The following AKNA variants were observed in gnomAD, a reference collection of about 807,000 sequenced individuals.
AKNA encodes microtubule organization protein AKNA.
In AKNA, 67 loss-of-function variants were observed where a neutral mutation model predicts 138.8. The ratio of observed to expected loss-of-function variants is 0.48; its 90% CI spans 0.40 to 0.59. The LOEUF (loss-of-function observed/expected upper bound fraction) is 0.59, where lower values mean the gene tolerates loss of function less well. Among genes scored for constraint, AKNA ranks in the 20% least tolerant of loss-of-function variants. AKNA has a pLI of 0.00. For missense variants in AKNA, 1,813 were observed against 1,880.4 expected (o/e 0.96, Z 0.66); for synonymous variants, 737 against 754.4 (o/e 0.98, Z 0.38).
intron 21 of AKNA, among the ~76,000 whole-genome samples, chr9:114,338,825 C>T (rs1183535665): frequency 3.3e-5 from 5 of 152,198 alleles, no homozygotes; most frequent in Non-Finnish European, 5.9e-5. Context: ...GCTCCATAAA[C>T]GTGAGCTCCT....
chr9:114,381,655 G>T (rs1473032938), intron 1 of AKNA, among the ~76,000 whole-genome samples: 3 of 82,908 alleles, frequency 3.6e-5, no homozygotes, highest in South Asian at 5.1e-4. Context: ...TCTCTCCAGG[G>T]TTTTTTTTTT....
chr9:114,378,247 T>G (rs1463423526), intron 2 of AKNA, among the ~76,000 whole-genome samples: 2 of 152,202 alleles, frequency 1.3e-5, no homozygotes. Context: ...TCTCCCCTCC[T>G]TGGCCTAGTT....
intron 6 of AKNA, among the ~76,000 whole-genome samples, chr9:114,364,849 C>A (rs1401255695): frequency 6.6e-6 from 1 of 152,120 alleles, no homozygotes; most frequent in Non-Finnish European, 1.5e-5. Context: ...GACAACAAAG[C>A]AAGTCACTCA....
intron 9 of AKNA, among the ~76,000 whole-genome samples, chr9:114,361,231 C>G (rs1407005038): frequency 6.6e-6 from 1 of 152,064 alleles, no homozygotes. Context: ...TTCCCATACT[C>G]TAGCCACAGG....
chr9:114,388,671 A>G (rs2763196), upstream of AKNA, among the ~76,000 whole-genome samples: 73,755 of 152,018 alleles, frequency 0.49, 18,385 homozygotes, highest in East Asian at 0.79. Context: ...CAGTCGAGCT[A>G]TCTTTCCTCA....
chr9:114,343,711 C>T lies in AKNA; in HGVS notation c.3754G>A (p.Ala1252Thr). 1.2e-6 allele frequency: 2 copies of T among 1,614,226 alleles called. No individual in the cohort carries two copies. The highest frequency in any genetic ancestry group is 1.6e-4 in the Middle Eastern group (1 of 6,062). The change falls in exon 19 of 22, where the codon GCG becomes ACG. Residue 1252 changes from alanine (A) to threonine (T), a missense_variant. Coordinates refer to ENST00000374088, the MANE Select transcript of AKNA (RefSeq NM_001317950.2). Reference protein sequence around the residue: ...PHCRPIRTQDAGGAVTGDPLG... With the variant: ...PHCRPIRTQDTGGAVTGDPLG... ...TTTTCCAGGTGCCATTCCTTACCCG[C>T]ATCCTGGGTCCTAATGGGCCGGCAG...
intron 3 of AKNA, 91 bp from the exon 4 acceptor site, chr9:114,374,258 A>G: frequency 3.2e-6 from 4 of 1,252,702 alleles, no homozygotes; most frequent in Non-Finnish European, 4.6e-6. Context: ...CCCCTTCCAT[A>G]AGGGCTTCTG....
At chr9:114,383,075 C>T in intron 1 of AKNA, 1 of 454,636 alleles carries the variant, frequency 2.2e-6, no homozygotes. Context: ...CTTTCCTGGA[C>T]CTGGGAGTGG....
chr9:114,341,809 C>A, intron 20 of AKNA, 84 bp from the exon 21 acceptor site: 1 of 1,444,402 alleles, frequency 6.9e-7, no homozygotes, highest in South Asian at 1.4e-5. Context: ...CCCAGCCCTT[C>A]CCCTATGAGA....
chr9:114,373,181 G>A (rs1261918694), intron 4 of AKNA, among the ~76,000 whole-genome samples: 1 of 152,242 alleles, frequency 6.6e-6, no homozygotes, highest in African/African-American at 2.4e-5. Context: ...TGAGGCAAGA[G>A]GAGGGCACAG....
In AKNA at chr9:114,346,124, A is replaced by G. The variant is rs996170950; in HGVS notation, c.3515-115T>C. 4 of 1,060,194 alleles carry G rather than the reference A, an allele frequency of 3.8e-6. No individual in the cohort carries two copies. In the African/African-American group the frequency reaches 6.3e-5, roughly 17 times the overall value. The allele number at this position is 1,060,194 out of a possible 1,614,324, so 65.7% of individuals were successfully genotyped here. On this transcript the variant is annotated intron_variant, in intron 17 of 21. Coordinates refer to ENST00000374088, the MANE Select transcript of AKNA (RefSeq NM_001317950.2). ...GGTGGATGCCTGGGTTTTAATCCCC[A>G]GTCTCCCCCTTAGGAGTAACAGCTG...
At position 114,359,702 on chromosome 9, in the gene AKNA, G is replaced by C. The variant is rs1285713745; in HGVS notation, c.2384C>G (p.Ser795Cys). 1.2e-6 allele frequency: 2 copies of C among 1,612,074 alleles called. No individual in the cohort carries two copies. The highest frequency in any genetic ancestry group is 1.7e-6 in the Non-Finnish European group (2 of 1,178,932). The part of the protein sequence containing the change: ...EEEEEEGGGD[S>C]LEVDGVAATP... ...TGCAGCCACCCCATCAACTTCCAGG[G>C]AGTCACCTCCCCCCTCTTCCTCCTC... Residue 795 changes from serine to cysteine, a missense_variant, in exon 11 of 22, where the codon TCC (serine) becomes TGC (cysteine). Ser to Cys is a moderately radical substitution (Grantham distance 112). Coordinates refer to ENST00000374088, the MANE Select transcript of AKNA (RefSeq NM_001317950.2).
At chr9:114,386,938 T>G (rs2787328) in intron 1 of AKNA, among the ~76,000 whole-genome samples, 118,731 of 151,730 alleles carry the variant, frequency 0.78, 46,543 homozygotes, top group East Asian at 0.89. Context: ...GCCAGAGCTG[T>G]CCAGGGTGCC....
chr9:114,364,241 T>C (rs893851655), intron 7 of AKNA, among the ~76,000 whole-genome samples: 7 of 152,062 alleles, frequency 4.6e-5, no homozygotes, highest in African/African-American at 1.7e-4. Context: ...GTCACCCCTC[T>C]GAGCTTCAGT....
chr9:114,346,036 AG>A (rs768046800), intron 17 of AKNA, 27 bp from the exon 18 acceptor site: 3 of 1,479,722 alleles, frequency 2.0e-6, no homozygotes, highest in African/African-American at 1.4e-5. Flanking sequence ...GGGGCATCAG[AG>A]GGGGCAAGGG....
downstream of AKNA, chr9:114,330,768 C>T: frequency 6.2e-7 from 1 of 1,612,202 alleles, no homozygotes; most frequent in Non-Finnish European, 8.5e-7. Flanking sequence ...TACTGTTTTT[C>T]TTCCGCCTTC....
At chr9:114,352,861 C>A (rs1393921597) in intron 14 of AKNA, among the ~76,000 whole-genome samples, 1 of 151,530 alleles carries the variant, frequency 6.6e-6, no homozygotes, top group Non-Finnish European at 1.5e-5. Flanking sequence ...GTGGATGTTG[C>A]AGTGAGCAGA....
chr9:114,364,844 C>T (rs1564639843), intron 6 of AKNA, among the ~76,000 whole-genome samples: 1 of 152,116 alleles, frequency 6.6e-6, no homozygotes. Context: ...TTACTGACAA[C>T]AAAGCAAGTC....
chr9:114,375,053 G>C (rs77436804), intron 3 of AKNA, among the ~76,000 whole-genome samples: 2,306 of 152,312 alleles, frequency 0.015, 21 homozygotes, highest in Non-Finnish European at 0.022. Context: ...AGAGCAGCAG[G>C]CATCCTGTGC....
Sources: gnomAD v4.1 joint callset for allele counts (sites outside exome capture counted in the v4.1 genomes callset) on GRCh38, gnomAD v4.1.1 for gene constraint, MANE v1.5 for transcripts, NCBI Gene and HGNC (gene_info 2026-07-23, HGNC 2026-07-21) for gene names.